PCDHA12: variants seen among roughly 807,000 people sequenced by gnomAD.
PCDHA12 encodes protocadherin alpha-12.
In PCDHA12, 44 loss-of-function variants were observed where a neutral mutation model predicts 60.0. The ratio of observed to expected loss-of-function variants is 0.73; its 90% CI spans 0.58 to 0.94. PCDHA12 has a LOEUF of 0.94. PCDHA12 is among the 40% of genes least tolerant of loss of function. The pLI, the probability that PCDHA12 is intolerant of heterozygous loss-of-function variation, is 0.00. For synonymous variants in PCDHA12, 569 were observed against 553.0 expected (o/e 1.03, Z -0.40); for missense variants, 1,276 against 1,239.7 (o/e 1.03, Z -0.44).
rs374137138 is a variant in PCDHA12, at chr5:140,876,752, C to A, written c.1280C>A (p.Ala427Glu). 2 of 1,614,194 alleles carry A rather than the reference C, an allele frequency of 1.2e-6. No homozygotes were observed. The highest frequency in any genetic ancestry group is 1.7e-6 in the Non-Finnish European group (2 of 1,180,034). Residue 427 changes from alanine to glutamate, a missense_variant, in exon 1 of 4, where the codon GCG (alanine) becomes GAG (glutamate). Coordinates refer to ENST00000398631, the MANE Select transcript of PCDHA12 (RefSeq NM_018903.4). ...TCGGCCTATGAGCTGGTGGTGACTG[C>A]GCGGGATGGGGGCTCGCCTTCGCTG... ...SVSAYELVVT[A>E]RDGGSPSLWA... is the part of the protein sequence containing the mutation.
intron 1 of PCDHA12, among the ~76,000 whole-genome samples, chr5:140,920,557 G>A (rs1554199669): frequency 6.6e-6 from 1 of 152,158 alleles, no homozygotes; most frequent in African/African-American, 2.4e-5. Flanking sequence ...TCGAAGTGTG[G>A]CCCTTAGGCC....
chr5:140,927,110 G>A, intron 1 of PCDHA12: 2 of 1,613,752 alleles, frequency 1.2e-6, no homozygotes, highest in Non-Finnish European at 1.7e-6. Flanking sequence ...CTACCCAGCG[G>A]CAATTTGGTG....
chr5:140,901,588 T>A (rs1245761513), intron 1 of PCDHA12, among the ~76,000 whole-genome samples: 1 of 152,176 alleles, frequency 6.6e-6, no homozygotes, highest in Non-Finnish European at 1.5e-5. Flanking sequence ...TGCCATGATG[T>A]TTTGGTTACT....
At chr5:140,923,299 G>A (rs921157994) in intron 1 of PCDHA12, among the ~76,000 whole-genome samples, 17 of 152,330 alleles carry the variant, frequency 1.1e-4, no homozygotes, top group Middle Eastern at 3.4e-3. Context: ...TTAGCTGGGC[G>A]TGGGGGCGCT....
Position 140,958,669 on chromosome 5 carries a change from A to G in PCDHA12, c.2368-20280A>G, listed in dbSNP as rs570899981. On this transcript the variant is annotated intron_variant, in intron 1 of 3. Coordinates refer to ENST00000398631, the MANE Select transcript of PCDHA12 (RefSeq NM_018903.4). ...CACAGAAAGCTATGATGAAATTTTA[A>G]TTATAAAGGATATTGAATATCCTAG... Among the ~76,000 whole-genome samples, 3 of 152,316 alleles carry G rather than the reference A, an allele frequency of 2.0e-5. No individual in the cohort carries two copies. In the East Asian group the frequency reaches 5.8e-4, roughly 29 times the overall value.
rs199714982 is a variant in PCDHA12, at chr5:140,967,252, G to T, written c.2368-11697G>T. On this transcript the variant is annotated intron_variant, in intron 1 of 3. Coordinates refer to ENST00000398631, the MANE Select transcript of PCDHA12 (RefSeq NM_018903.4). ...AGCTTCAGGTAAGCGAATCGGTGGC[G>T]CCTGGAGCGCGCTTTCACATAGAGA... 6.0e-5 allele frequency: 97 copies of T among 1,613,386 alleles called. 1 individual carries two copies. Among genetic ancestry groups the T allele is most frequent in the Non-Finnish European group, 8.0e-5 (94 of 1,179,870 alleles).
chr5:140,976,353 C>T (rs1401617354), intron 1 of PCDHA12, among the ~76,000 whole-genome samples: 2 of 151,992 alleles, frequency 1.3e-5, no homozygotes, highest in African/African-American at 2.4e-5. Context: ...GTGTTCAAGA[C>T]CAGCCTGGCC....
chr5:140,887,385 C>T (rs1015937560), intron 1 of PCDHA12, among the ~76,000 whole-genome samples: 3 of 152,124 alleles, frequency 2.0e-5, no homozygotes, highest in Admixed American at 6.5e-5. Context: ...TGTGAGCCAC[C>T]GCGCCCGGCT....
chr5:140,907,109 C>T (rs6883830), intron 1 of PCDHA12, among the ~76,000 whole-genome samples: 5,598 of 152,160 alleles, frequency 0.037, 292 homozygotes, highest in African/African-American at 0.12. Flanking sequence ...CCACTTCCAC[C>T]CCTTGATTCC....
chr5:140,909,684 GT>G (rs2074636344), intron 1 of PCDHA12, among the ~76,000 whole-genome samples: 1 of 152,220 alleles, frequency 6.6e-6, no homozygotes, highest in Non-Finnish European at 1.5e-5. Context: ...GGGAGCCAAT[GT>G]GGGGGTTCTG....
intron 1 of PCDHA12, among the ~76,000 whole-genome samples, chr5:140,924,369 G>A (rs2081798645): frequency 6.6e-6 from 1 of 152,144 alleles, no homozygotes; most frequent in Admixed American, 6.5e-5. Context: ...AGGCAAACTA[G>A]CCAAGGGGTA....
chr5:140,913,082 C>G (rs2076197049), intron 1 of PCDHA12, among the ~76,000 whole-genome samples: 1 of 152,108 alleles, frequency 6.6e-6, no homozygotes, highest in African/African-American at 2.4e-5. Context: ...TGTTTGGTAT[C>G]AGGATAATAC....
Position 141,010,515 on chromosome 5 carries a change from CAA to C in PCDHA12, c.*579_*580del, listed in dbSNP as rs1554262971. ...ACCAGACTTTCTAAATCTTACAACTCAAGAGGTGGCAGCCACCCTCTAGGAGA... is the reference window on the plus strand; with the variant it reads ...ACCAGACTTTCTAAATCTTACAACTCGAGGTGGCAGCCACCCTCTAGGAGA... On this transcript the variant is annotated 3_prime_UTR_variant, in exon 4 of 4. Transcript: ENST00000398631. 4.1e-6 allele frequency: 2 copies of C among 483,800 alleles called. No individual in the cohort carries two copies. Among genetic ancestry groups the C allele is most frequent in the African/African-American group, 2.0e-5 (1 of 51,026 alleles). 30.0% of individuals were successfully genotyped at this position (483,800 alleles called of 1,614,324 possible).
At chr5:140,951,541 G>C (rs1029557427) in intron 1 of PCDHA12, among the ~76,000 whole-genome samples, 5 of 152,092 alleles carry the variant, frequency 3.3e-5, no homozygotes, top group African/African-American at 1.2e-4. Flanking sequence ...AGGAGCAAGG[G>C]ACGGGGGGAA....
intron 1 of PCDHA12, chr5:140,884,471 G>T (rs2060197778): frequency 1.2e-6 from 2 of 1,613,684 alleles, no homozygotes; most frequent in Admixed American, 3.3e-5. Flanking sequence ...GTGCGCGCCG[G>T]GCAAGCCCAC....
chr5:140,942,197 T>C (rs2093245078), intron 1 of PCDHA12, among the ~76,000 whole-genome samples: 1 of 152,170 alleles, frequency 6.6e-6, no homozygotes, highest in African/African-American at 2.4e-5. Context: ...TAAAATACAT[T>C]TTTGAGCATA....
intron 1 of PCDHA12, chr5:140,929,214 G>A: frequency 1.2e-6 from 2 of 1,614,076 alleles, no homozygotes; most frequent in Non-Finnish European, 1.7e-6. Context: ...TGCGTGGGGA[G>A]TACAATGCTG....
At chr5:140,926,785 G>A in intron 1 of PCDHA12, 1 of 1,417,966 alleles carries the variant, frequency 7.1e-7, no homozygotes. Context: ...GTGACGGCCG[G>A]CAGGAGCGTG....
intron 1 of PCDHA12, among the ~76,000 whole-genome samples, chr5:140,962,643 T>G (rs1456773642): frequency 6.6e-6 from 1 of 152,222 alleles, no homozygotes; most frequent in Non-Finnish European, 1.5e-5. Context: ...GCCATCAAGT[T>G]ATGTGAAAAC....
Sources: gnomAD v4.1 joint callset for allele counts (sites outside exome capture counted in the v4.1 genomes callset) on GRCh38, gnomAD v4.1.1 for gene constraint, MANE v1.5 for transcripts, NCBI Gene and HGNC (gene_info 2026-07-23, HGNC 2026-07-21) for gene names.